PXDNL: variants seen among roughly 807,000 people sequenced by gnomAD.
The protein encoded by PXDNL is probable oxidoreductase PXDNL.
PXDNL carries 145 observed loss-of-function variants against 150.8 expected under a neutral mutation model. The observed-to-expected ratio is 0.96, with a 90% CI of 0.84 to 1.10. The LOEUF (loss-of-function observed/expected upper bound fraction) is 1.10, where lower values mean the gene tolerates loss of function less well. Among genes scored for constraint, PXDNL ranks in the 50% least tolerant of loss-of-function variants. The pLI is 0.00. For missense variants in PXDNL, 2,087 were observed against 1,873.9 expected (o/e 1.11, Z -2.10); for synonymous variants, 757 against 725.7 (o/e 1.04, Z -0.69).
chr8:51,682,655 G>A (rs1815777616), intron 1 of PXDNL, among the ~76,000 whole-genome samples: 1 of 152,082 alleles, frequency 6.6e-6, no homozygotes, highest in South Asian at 2.1e-4. Context: ...CAAATAGTCT[G>A]TTTTCTTAGA....
At chr8:51,476,123 G>C (rs1431634) in intron 6 of PXDNL, among the ~76,000 whole-genome samples, 31,087 of 151,944 alleles carry the variant, frequency 0.2, 4,259 homozygotes, top group African/African-American at 0.39. Flanking sequence ...AAACAAAAAA[G>C]CTGTAAGCAC....
At chr8:51,548,982 A>G (rs1480715107) in intron 4 of PXDNL, among the ~76,000 whole-genome samples, 2 of 152,192 alleles carry the variant, frequency 1.3e-5, no homozygotes, top group Non-Finnish European at 2.9e-5. Flanking sequence ...AGGGATGGGA[A>G]AAGGGATTTC....
chr8:51,800,441 AG>A (rs1344199794), intron 1 of PXDNL, among the ~76,000 whole-genome samples: 1 of 152,124 alleles, frequency 6.6e-6, no homozygotes, highest in Non-Finnish European at 1.5e-5. Context: ...GCAGCCTGGG[AG>A]TAACAGGGAG....
intron 14 of PXDNL, among the ~76,000 whole-genome samples, chr8:51,418,021 T>C (rs1220240395): frequency 6.6e-6 from 1 of 152,166 alleles, no homozygotes; most frequent in African/African-American, 2.4e-5. Context: ...ACACCAAAAA[T>C]CTGGAAATGC....
At chr8:51,384,581 A>G (rs1807645081) in intron 17 of PXDNL, among the ~76,000 whole-genome samples, 1 of 152,122 alleles carries the variant, frequency 6.6e-6, no homozygotes. Flanking sequence ...TGCATTTTAG[A>G]AAACTATATA....
chr8:51,582,485 A>G (rs890485617), intron 3 of PXDNL, among the ~76,000 whole-genome samples: 5 of 152,182 alleles, frequency 3.3e-5, no homozygotes, highest in African/African-American at 1.2e-4. Flanking sequence ...GGTAAATTTT[A>G]TTTAAAAAGT....
intron 1 of PXDNL, among the ~76,000 whole-genome samples, chr8:51,795,437 G>T (rs2037550763): frequency 6.6e-6 from 1 of 152,110 alleles, no homozygotes; most frequent in Non-Finnish European, 1.5e-5. Flanking sequence ...TGAAATCATA[G>T]CAAACAGTAT....
At chr8:51,352,533 G>A (rs1010935997) in intron 19 of PXDNL, among the ~76,000 whole-genome samples, 5 of 152,160 alleles carry the variant, frequency 3.3e-5, no homozygotes, top group Admixed American at 6.5e-5. Context: ...GGGTTCTCAC[G>A]AGATCTGATG....
At chr8:51,645,486 A>G (rs1237444009) in intron 2 of PXDNL, among the ~76,000 whole-genome samples, 3 of 152,192 alleles carry the variant, frequency 2.0e-5, no homozygotes, top group African/African-American at 7.2e-5. Context: ...AGGAGCTGGT[A>G]AAAAGAGACA....
chr8:51,557,736 T>C (rs1389186164), intron 3 of PXDNL, among the ~76,000 whole-genome samples: 1 of 152,152 alleles, frequency 6.6e-6, no homozygotes, highest in Non-Finnish European at 1.5e-5. Flanking sequence ...TCAATCGGAC[T>C]CTCTCAGGAT....
chr8:51,548,365 G>T (rs1812408344), intron 4 of PXDNL, among the ~76,000 whole-genome samples: 2 of 152,130 alleles, frequency 1.3e-5, no homozygotes, highest in Admixed American at 1.3e-4. Flanking sequence ...AACACAAAAA[G>T]ATCATCACCT....
intron 12 of PXDNL, chr8:51,435,876 G>A (rs1008024126): frequency 8.6e-6 from 4 of 466,726 alleles, no homozygotes; most frequent in African/African-American, 8.1e-5. Flanking sequence ...TTCTAAAGCA[G>A]ATACTAAAAT....
At chr8:51,532,924 A>G (rs894577231) in intron 4 of PXDNL, among the ~76,000 whole-genome samples, 1 of 152,196 alleles carries the variant, frequency 6.6e-6, no homozygotes, top group African/African-American at 2.4e-5. Flanking sequence ...CGCTTTTTTG[A>G]TTAAGCCACA....
At chr8:51,488,136 G>A (rs1005297235) in intron 5 of PXDNL, among the ~76,000 whole-genome samples, 2 of 152,172 alleles carry the variant, frequency 1.3e-5, no homozygotes, top group Non-Finnish European at 2.9e-5. Context: ...AATCTCCATT[G>A]AAATAATTAC....
chr8:51,686,209 T>C (rs11990522), intron 1 of PXDNL, among the ~76,000 whole-genome samples: 5,168 of 152,306 alleles, frequency 0.034, 275 homozygotes, highest in African/African-American at 0.11. Flanking sequence ...ACTATGAAGT[T>C]GTTTTTAAAC....
At chr8:51,324,428 C>T (rs560936586) in intron 21 of PXDNL, among the ~76,000 whole-genome samples, 5 of 152,310 alleles carry the variant, frequency 3.3e-5, no homozygotes, top group African/African-American at 1.2e-4. Context: ...GGTAATGTTT[C>T]TCTTTTGCTG....
intron 2 of PXDNL, among the ~76,000 whole-genome samples, chr8:51,626,203 G>A (rs1456290728): frequency 1.3e-5 from 2 of 152,152 alleles, no homozygotes; most frequent in Non-Finnish European, 2.9e-5. Context: ...ACCTGCCACT[G>A]TTCTGATAGT....
At chr8:51,608,054 A>AAGCAAGCAAGCAAGC (rs1813893987) in intron 2 of PXDNL, among the ~76,000 whole-genome samples, 1 of 111,596 alleles carries the variant, frequency 9.0e-6, no homozygotes, top group Non-Finnish European at 1.8e-5. Context: ...AGAAAGAAAG[A>AAGCAAGCAAGCAAGC]AAGCAAGCAA....
intron 1 of PXDNL, among the ~76,000 whole-genome samples, chr8:51,665,005 A>C (rs1815351821): frequency 6.6e-6 from 1 of 152,160 alleles, no homozygotes; most frequent in South Asian, 2.1e-4. Context: ...GAGCACCCGC[A>C]CAGGAGGTCA....
Sources: gnomAD v4.1 joint callset for allele counts (sites outside exome capture counted in the v4.1 genomes callset) on GRCh38, gnomAD v4.1.1 for gene constraint, MANE v1.5 for transcripts, NCBI Gene and HGNC (gene_info 2026-07-23, HGNC 2026-07-21) for gene names.